The following RRP9 variants were observed in gnomAD, a reference collection of about 807,000 sequenced individuals.
The protein encoded by RRP9 is ribosomal RNA processing 9, U3 small nucleolar RNA binding protein, also known as U3 small nucleolar RNA-interacting protein 2.
Under a neutral mutation model 65.5 loss-of-function variants are expected in RRP9, and 35 were observed. The ratio of observed to expected loss-of-function variants is 0.53; its 90% CI spans 0.41 to 0.71. The LOEUF (loss-of-function observed/expected upper bound fraction) is 0.71. RRP9 is among the 30% of genes least tolerant of loss of function. The probability of loss-of-function intolerance (pLI) is 0.00; values close to 1 mark genes in which losing one functional copy is unlikely to be tolerated. For synonymous variants in RRP9, 254 were observed against 245.0 expected, an observed-to-expected ratio of 1.04 and a Z score of -0.34; for missense variants, 533 against 633.6, an observed-to-expected ratio of 0.84 and a Z score of 1.70.
chr3:51,936,212 G>T, intron 8 of RRP9, 45 bp downstream of exon 8: 2 of 1,551,932 alleles, frequency 1.3e-6, no homozygotes, highest in Non-Finnish European at 1.8e-6. Flanking sequence ...TAGAACACTA[G>T]CATGTGCCCA....
chr3:51,937,347 G>A lies in RRP9; in HGVS notation c.391-29C>T, dbSNP rs532814220. The A allele has an allele frequency of 1.9e-6, 3 of 1,613,770 alleles. No individual in the cohort carries two copies. Among genetic ancestry groups the A allele is most frequent in the African/African-American group, 2.7e-5 (2 of 75,038 alleles). On this transcript the variant is annotated intron_variant, in intron 5 of 14. Coordinates refer to ENST00000232888, the MANE Select transcript of RRP9 (RefSeq NM_004704.5). The surrounding 1 kb of genome is among the most constrained non-coding windows in gnomAD (Gnocchi z 5.0). ...GGCAGACAGGGGCCAGGTCACTGTG[G>A]CTAGTGGCATAAAGGCACTACCTTC...
intron 10 of RRP9, 32 bp downstream of exon 10, chr3:51,935,310 G>A (rs1457921006): frequency 1.9e-6 from 3 of 1,614,062 alleles, no homozygotes; most frequent in East Asian, 2.2e-5. Flanking sequence ...CCCAGCCCAT[G>A]TAGCCCCCAC....
intron 1 of RRP9, 62 bp from the exon 2 acceptor site, chr3:51,941,553 G>GCT: frequency 7.7e-7 from 1 of 1,290,324 alleles, no homozygotes; most frequent in Non-Finnish European, 1.1e-6. Context: ...TTGACCAAGG[G>GCT]CCCCCCCCCC....
chr3:51,938,666 T>G (rs80278469), intron 2 of RRP9, among the ~76,000 whole-genome samples: 4,463 of 152,204 alleles, frequency 0.029, 126 homozygotes, highest in African/African-American at 0.065. Context: ...GTGTGCAAGG[T>G]GCCATGGAAT....
rs371494921 is a variant in RRP9, at chr3:51,934,433, T to A, written c.1260+39A>T. 6.3e-7 allele frequency: 1 copy of A among 1,586,000 alleles called. No individual in the cohort carries two copies. The highest frequency in any genetic ancestry group is 8.6e-7 in the Non-Finnish European group (1 of 1,162,090). On this transcript the variant is annotated intron_variant, in intron 13 of 14. Coordinates refer to ENST00000232888, the MANE Select transcript of RRP9 (RefSeq NM_004704.5). The surrounding 1 kb of genome is among the most constrained non-coding windows in gnomAD (Gnocchi z 4.1). ...GCTAACTCCAGGGGCCTAGGCAGTG[T>A]GGCAGAGACAGGCTGAGCATTCAAG...
intron 6 of RRP9, among the ~76,000 whole-genome samples, chr3:51,936,903 G>A (rs1699465870): frequency 6.6e-6 from 1 of 152,216 alleles, no homozygotes; most frequent in African/African-American, 2.4e-5. Flanking sequence ...TCAATCCCAG[G>A]ACTGCACAGC....
rs41292346 is a variant in RRP9 at position 51,937,291 on chromosome 3, G to A, written c.418C>T (p.Arg140Cys). 50 of 1,614,162 alleles carry A rather than the reference G, an allele frequency of 3.1e-5. No homozygotes were observed. The highest frequency in any genetic ancestry group is 4.0e-5 in the Non-Finnish European group (47 of 1,180,028). ...GAGAGCTGGTGCCCCCGTAAAACGC[G>A]AATGTCAGCTGAGGCTGGGGCCTGG... ...EIQAPASADI[R>C]VLRGHQLSIT... Residue 140 changes from arginine (R) to cysteine (C), a missense_variant, in exon 6 of 15, where the codon CGC becomes TGC. Around this residue, in one of 3 missense-constraint regions of RRP9, gnomAD observed 449 missense variants for 550.6 expected, o/e 0.82. Transcript: ENST00000232888. This position sits in a 1 kb window ranked among gnomAD's most constrained non-coding sequence, Gnocchi z 5.0.
At chr3:51,941,678 A>G in intron 1 of RRP9, 103 bp downstream of exon 1, 3 of 1,189,752 alleles carry the variant, frequency 2.5e-6, no homozygotes, top group Non-Finnish European at 3.6e-6. Flanking sequence ...GCAGGGGTCC[A>G]GGGCGAAGGG....
rs1410463897 is a variant in RRP9 at position 51,937,074 on chromosome 3, C to T, written c.517+118G>A. 7.4e-7 allele frequency: 1 copy of T among 1,343,008 alleles called. No homozygotes were observed. The highest frequency in any genetic ancestry group is 1.4e-5 in the African/African-American group (1 of 69,120). 83.2% of individuals were successfully genotyped at this position (1,343,008 alleles called of 1,614,324 possible). Reference sequence around the variant, plus strand: ...CAGAGAGCACTCCTAGGGCAGCAAACCTGCCTCCAGAGACTTCCCCACTTC... The same window carrying T: ...CAGAGAGCACTCCTAGGGCAGCAAATCTGCCTCCAGAGACTTCCCCACTTC... On this transcript the variant is annotated intron_variant, in intron 6 of 14. Transcript: ENST00000232888. The surrounding 1 kb of genome is among the most constrained non-coding windows in gnomAD (Gnocchi z 5.0).
intron 2 of RRP9, among the ~76,000 whole-genome samples, chr3:51,939,030 G>A (rs1699487370): frequency 6.6e-6 from 1 of 152,222 alleles, no homozygotes; most frequent in African/African-American, 2.4e-5. Context: ...GACAGGTGCT[G>A]CTTTGACCTG....
rs1699472678 is a variant in RRP9 at position 51,937,522 on chromosome 3, A to G, written c.390+23T>C. ...GGCCCCCAATTCCCTCCAACCTTATACCAAAATACCATGCCCACTCACCTC... is the reference window on the plus strand; with the variant it reads ...GGCCCCCAATTCCCTCCAACCTTATGCCAAAATACCATGCCCACTCACCTC... On this transcript the variant is annotated intron_variant, in intron 5 of 14. Transcript: ENST00000232888. This position sits in a 1 kb window ranked among gnomAD's most constrained non-coding sequence, Gnocchi z 5.0. The G allele has an allele frequency of 6.2e-7, 1 of 1,614,016 alleles. No homozygotes were observed. Among genetic ancestry groups the G allele is most frequent in the East Asian group, 2.2e-5 (1 of 44,852 alleles).
Position 51,941,580 on chromosome 3 carries a change from C to T in RRP9, c.88-89G>A, listed in dbSNP as rs531527244. On this transcript the variant is annotated intron_variant, in intron 1 of 14. Transcript: ENST00000232888. ...CCCCCCCCCTCGGTTCCCTCAGAACCCCAGGAATGGGGAAGGCGGTGGTTC... is the reference window on the plus strand; with the variant it reads ...CCCCCCCCCTCGGTTCCCTCAGAACTCCAGGAATGGGGAAGGCGGTGGTTC... 1.5e-3 allele frequency: 1,937 copies of T among 1,319,070 alleles called. 4 individuals carry two copies. The highest frequency in any genetic ancestry group is 1.9e-3 in the South Asian group (162 of 84,298). The allele number at this position is 1,319,070 out of a possible 1,614,324, so 81.7% of individuals were successfully genotyped here.
chr3:51,935,086 G>C, intron 11 of RRP9, 111 bp downstream of exon 11: 1 of 1,169,994 alleles, frequency 8.5e-7, no homozygotes, highest in Non-Finnish European at 1.3e-6. Flanking sequence ...CATGAAAAGA[G>C]GTTACAACAG....
At chr3:51,941,039 C>T (rs1337810446) in intron 2 of RRP9, among the ~76,000 whole-genome samples, 1 of 152,222 alleles carries the variant, frequency 6.6e-6, no homozygotes, top group Non-Finnish European at 1.5e-5. Flanking sequence ...ACAGCAAAGG[C>T]AGTGCCTGGC....
At position 51,937,573 on chromosome 3, in the gene RRP9, C is replaced by A. The variant is rs750039812; in HGVS notation, c.362G>T (p.Gly121Val). Residue 121 changes from glycine (G) to valine (V), a missense_variant, in exon 5 of 15, where the codon GGC becomes GTC. This residue lies in a region of RRP9 where 449 missense variants were observed against 550.6 expected (regional missense o/e 0.82). Transcript: ENST00000232888. The surrounding 1 kb of genome is among the most constrained non-coding windows in gnomAD (Gnocchi z 5.0). The part of the protein sequence containing the change: ...RLKEDVLEQR[G>V]RLQKLVAKEI... ...TTTTGCCACCAACTTCTGCAGCCTG[C>A]CCCTCTGCTCAAGCTGCATGGAGAA... 1.2e-6 allele frequency: 2 copies of A among 1,614,116 alleles called. No individual in the cohort carries two copies. Among genetic ancestry groups the A allele is most frequent in the Non-Finnish European group, 1.7e-6 (2 of 1,180,052 alleles).
chr3:51,934,366 C>G lies in RRP9; in HGVS notation c.1260+106G>C. 1 of 1,201,844 alleles carries G rather than the reference C, an allele frequency of 8.3e-7. No homozygotes were observed. Among genetic ancestry groups the G allele is most frequent in the Non-Finnish European group, 1.2e-6 (1 of 854,926 alleles). 74.4% of individuals were successfully genotyped at this position (1,201,844 alleles called of 1,614,324 possible). A position where few individuals can be genotyped will look rare whatever the true frequency, so the allele number is the denominator to read the frequency against. On this transcript the variant is annotated intron_variant, in intron 13 of 14. Transcript: ENST00000232888. The surrounding 1 kb of genome is among the most constrained non-coding windows in gnomAD (Gnocchi z 4.1). ...GCCCTGTGCTAGGAGCTGGCCCTGCCCTGAGAAGGTTCCCTTCTGGCAGGA... is the reference window on the plus strand; with the variant it reads ...GCCCTGTGCTAGGAGCTGGCCCTGCGCTGAGAAGGTTCCCTTCTGGCAGGA...
In RRP9 at chr3:51,938,120, G is replaced by C; in HGVS notation, c.255C>G (p.Leu85=). ...CTTGCTGACGGAGCTGCTCTAGGTA[G>C]AGCTTGGCCAAGCGCAGCTTCTTTT... ...AQEKKLRLAK[L]YLEQLRQQEE... Residue 85 remains leucine (L), a synonymous_variant, in exon 3 of 15, where the codon CTC becomes CTG. Coordinates refer to ENST00000232888, the MANE Select transcript of RRP9 (RefSeq NM_004704.5). 6.2e-7 allele frequency: 1 copy of C among 1,608,980 alleles called. No individual in the cohort carries two copies. The highest frequency in any genetic ancestry group is 1.1e-5 in the South Asian group (1 of 90,880).
In RRP9 at chr3:51,936,446, G is replaced by A. The variant is rs752907869; in HGVS notation, c.627C>T (p.Ser209=). The A allele has an allele frequency of 7.9e-5, 127 of 1,614,082 alleles. No homozygotes were observed. Among genetic ancestry groups the A allele is most frequent in the Admixed American group, 6.5e-4 (39 of 60,006 alleles). ...SSHVLCMAIS[S]DGKYLASGDR... The stretch of plus-strand genomic sequence containing the variant: ...CTGGCCTTACAAGGTACTTGCCGTC[G>A]GAGGAGATGGCCATGCAGAGGACGT... Residue 209 remains serine (S), a synonymous_variant, in exon 7 of 15, where the codon TCC becomes TCT. Transcript: ENST00000232888.
At chr3:51,936,701 G>A (rs1699463576) in intron 6 of RRP9, 146 bp from the exon 7 acceptor site, 7 of 828,308 alleles carry the variant, frequency 8.5e-6, no homozygotes, top group East Asian at 2.6e-5. Context: ...GTGAGCCTCC[G>A]GACAAGCTGC....
Sources: gnomAD v4.1 joint callset for allele counts (sites outside exome capture counted in the v4.1 genomes callset) on GRCh38, gnomAD v4.1.1 for gene constraint, gnomAD v4.1.1 regional missense constraint, Gnocchi (gnomAD v3.1) non-coding constraint, MANE v1.5 for transcripts, NCBI Gene and HGNC (gene_info 2026-07-23, HGNC 2026-07-21) for gene names.